GREM2: variants seen among roughly 807,000 people sequenced by gnomAD.
GREM2 encodes gremlin 2, DAN family BMP antagonist.
In GREM2, 11 loss-of-function variants were observed where a neutral mutation model predicts 14.2. That is an observed-to-expected ratio of 0.78 (90% CI 0.49 to 1.28). The LOEUF is 1.28. Among genes scored for constraint, GREM2 ranks in the 50% most tolerant of loss-of-function variants. The pLI is 0.00. For missense variants in GREM2, 210 were observed against 218.5 expected (o/e 0.96, Z 0.24); for synonymous variants, 98 against 97.6 (o/e 1.00, Z -0.02).
chr1:240,580,725 A>C (rs540299422), intron 1 of GREM2, among the ~76,000 whole-genome samples: 1 of 152,182 alleles, frequency 6.6e-6, no homozygotes, highest in East Asian at 1.9e-4. Context: ...CAGGTGGGCC[A>C]CCACACCCAA....
chr1:240,509,658 G>T (rs1345612990), intron 1 of GREM2, among the ~76,000 whole-genome samples: 1 of 152,082 alleles, frequency 6.6e-6, no homozygotes, highest in Non-Finnish European at 1.5e-5. Context: ...ATGAGCCACT[G>T]CACCCGGTGC....
At chr1:240,514,016 C>T (rs1273464755) in intron 1 of GREM2, among the ~76,000 whole-genome samples, 5 of 151,980 alleles carry the variant, frequency 3.3e-5, no homozygotes, top group East Asian at 1.9e-4. Flanking sequence ...GCGGCTGAGG[C>T]GGGTGGATCA....
chr1:240,500,840 T>A (rs1021614870), intron 1 of GREM2, among the ~76,000 whole-genome samples: 4 of 152,314 alleles, frequency 2.6e-5, no homozygotes, highest in Admixed American at 2.6e-4. Context: ...TTTATGCCCA[T>A]CTGTTAGAGT....
At chr1:240,596,121 C>T (rs1679815109) in intron 1 of GREM2, among the ~76,000 whole-genome samples, 1 of 152,056 alleles carries the variant, frequency 6.6e-6, no homozygotes, top group African/African-American at 2.4e-5. Context: ...GATCGGTAGG[C>T]ATTATTTTTG....
chr1:240,579,851 A>C (rs1403828876), intron 1 of GREM2, among the ~76,000 whole-genome samples: 1 of 152,190 alleles, frequency 6.6e-6, no homozygotes, highest in Admixed American at 6.5e-5. Flanking sequence ...AGAAAAATTA[A>C]AAGATGGAAG....
rs560826058 is a variant in GREM2, at chr1:240,531,492, T to C, written c.-1-38016A>G. The C allele has an allele frequency of 8.0e-5, 19 of 237,780 alleles. No individual in the cohort carries two copies. The South Asian group carries it at 2.9e-3, about 37-fold the overall frequency. The allele number at this position is 237,780 out of a possible 1,614,324, so 14.7% of individuals were successfully genotyped here. On this transcript the variant is annotated intron_variant, in intron 1 of 1. Transcript: ENST00000318160. ...GTTGCTGCAATTTTAATCAGATTTG[T>C]ATGTAATAGTATTTCAGAATTTTCC...
chr1:240,493,378 G>A lies in GREM2; in HGVS notation c.98C>T (p.Pro33Leu). ...GTTGTTGCTGCTGCCGTCCTTGTAA[G>A]GCGAGGGGATGGCGCCCGCCGGCCG... ...KNRPAGAIPS[P>L]YKDGSSNNSE... Residue 33 changes from proline (P) to leucine (L), a missense_variant, in exon 2 of 2, where the codon CCT becomes CTT. Pro to Leu is a moderately conservative substitution (Grantham distance 98). Coordinates refer to ENST00000318160, the MANE Select transcript of GREM2 (RefSeq NM_022469.4). The A allele has an allele frequency of 6.2e-7, 1 of 1,613,806 alleles. No individual in the cohort carries two copies. The highest frequency in any genetic ancestry group is 1.6e-4 in the Middle Eastern group (1 of 6,062).
At chr1:240,565,853 A>C (rs538869739) in intron 1 of GREM2, among the ~76,000 whole-genome samples, 584 of 151,782 alleles carry the variant, frequency 3.8e-3, no homozygotes, top group East Asian at 9.1e-3. Context: ...CTCCAAAAAA[A>C]AAAAAAAAAC....
At chr1:240,597,293 AT>A (rs375174420) in intron 1 of GREM2, among the ~76,000 whole-genome samples, 13 of 152,358 alleles carry the variant, frequency 8.5e-5, no homozygotes, top group African/African-American at 3.1e-4. Context: ...TCAGCGGGGT[AT>A]TTAGATGCCA....
chr1:240,524,909 G>A (rs982743345), intron 1 of GREM2, among the ~76,000 whole-genome samples: 10 of 152,140 alleles, frequency 6.6e-5, no homozygotes, highest in Admixed American at 2.0e-4. Flanking sequence ...TAGGCCAGTC[G>A]TGGAAAGCCC....
intron 1 of GREM2, among the ~76,000 whole-genome samples, chr1:240,519,809 G>A (rs1165256239): frequency 1.3e-5 from 2 of 152,082 alleles, no homozygotes; most frequent in African/African-American, 2.4e-5. Context: ...GTCCAGGAGC[G>A]GTGGCTCACG....
At chr1:240,550,793 G>A (rs1487982966) in intron 1 of GREM2, among the ~76,000 whole-genome samples, 2 of 152,094 alleles carry the variant, frequency 1.3e-5, no homozygotes. Context: ...GTCTTTCATT[G>A]AATATTGCTA....
intron 1 of GREM2, among the ~76,000 whole-genome samples, chr1:240,560,148 C>G (rs1679012605): frequency 6.6e-6 from 1 of 152,160 alleles, no homozygotes; most frequent in African/African-American, 2.4e-5. Flanking sequence ...AAAGAGACAT[C>G]TACTCAAAGG....
At chr1:240,523,646 T>TTTTTG (rs1229778530) in intron 1 of GREM2, among the ~76,000 whole-genome samples, 1 of 152,172 alleles carries the variant, frequency 6.6e-6, no homozygotes, top group Non-Finnish European at 1.5e-5. Context: ...TCCTTTAGTT[T>TTTTTG]TTTTGTTTTG....
intron 1 of GREM2, among the ~76,000 whole-genome samples, chr1:240,561,289 A>C (rs2103350383): frequency 6.6e-6 from 1 of 152,312 alleles, no homozygotes; most frequent in East Asian, 1.9e-4. Context: ...TTGTGGATTA[A>C]TTGAATGCAG....
chr1:240,553,971 T>A (rs925610387), intron 1 of GREM2, among the ~76,000 whole-genome samples: 1 of 152,208 alleles, frequency 6.6e-6, no homozygotes, highest in African/African-American at 2.4e-5. Context: ...AGGGGCTTGT[T>A]GGCATTCTGT....
chr1:240,564,269 G>A (rs946509473), intron 1 of GREM2, among the ~76,000 whole-genome samples: 3 of 151,606 alleles, frequency 2.0e-5, no homozygotes, highest in East Asian at 3.9e-4. Context: ...ATTTTGGGAC[G>A]CTGAGGCAGG....
rs1039042280 is a variant in GREM2, at chr1:240,492,181, C to G, written c.*788G>C. 8.9e-6 allele frequency: 4 copies of G among 450,548 alleles called. No homozygotes were observed. Among genetic ancestry groups the G allele is most frequent in the South Asian group, 1.6e-5 (1 of 64,002 alleles). The allele number at this position is 450,548 out of a possible 1,614,324, so 27.9% of individuals were successfully genotyped here. ...TATAAAACCAGCGTTAATATAGAGA[C>G]CTTTGTGTGTGATAATATTCTAATT... On this transcript the variant is annotated 3_prime_UTR_variant, in exon 2 of 2. Coordinates refer to ENST00000318160, the MANE Select transcript of GREM2 (RefSeq NM_022469.4).
chr1:240,514,179 G>A (rs1477782071), intron 1 of GREM2, among the ~76,000 whole-genome samples: 1 of 150,874 alleles, frequency 6.6e-6, no homozygotes, highest in East Asian at 2.0e-4. Flanking sequence ...CCCAGGAGGT[G>A]GAGGTTTCAG....
Sources: gnomAD v4.1 joint callset for allele counts (sites outside exome capture counted in the v4.1 genomes callset) on GRCh38, gnomAD v4.1.1 for gene constraint, MANE v1.5 for transcripts, NCBI Gene and HGNC (gene_info 2026-07-23, HGNC 2026-07-21) for gene names.